The following EPHB1 variants were observed in gnomAD, a reference collection of about 807,000 sequenced individuals.
EPHB1 encodes ephrin type-B receptor 1.
A neutral mutation model predicts 94.4 loss-of-function variants in EPHB1; 30 were observed. The ratio of observed to expected loss-of-function variants is 0.32; its 90% CI spans 0.24 to 0.43. EPHB1 has a LOEUF of 0.43. Among genes scored for constraint, EPHB1 ranks in the 20% least tolerant of loss-of-function variants. The pLI is 1.00. For synonymous variants in EPHB1, 522 were observed against 489.1 expected (o/e 1.07, Z -0.89); for missense variants, 1,055 against 1,308.3 (o/e 0.81, Z 2.99).
intron 3 of EPHB1, among the ~76,000 whole-genome samples, chr3:134,975,109 C>T (rs1444784173): frequency 6.6e-6 from 1 of 152,122 alleles, no homozygotes; most frequent in Non-Finnish European, 1.5e-5. Context: ...ATTGATTTTT[C>T]TGGGAGACTT....
At chr3:134,878,350 G>A (rs1454218120) in intron 1 of EPHB1, among the ~76,000 whole-genome samples, 1 of 152,144 alleles carries the variant, frequency 6.6e-6, no homozygotes, top group Admixed American at 6.5e-5. Flanking sequence ...TGTGGGGCAG[G>A]GATATTTGGC....
chr3:134,994,273 G>A (rs543980714), intron 3 of EPHB1, among the ~76,000 whole-genome samples: 64 of 152,188 alleles, frequency 4.2e-4, no homozygotes, highest in Non-Finnish European at 8.1e-4. Flanking sequence ...TAAATAATAT[G>A]ATAAATATAT....
intron 3 of EPHB1, among the ~76,000 whole-genome samples, chr3:135,031,168 A>G (rs1936451785): frequency 6.6e-6 from 1 of 152,344 alleles, no homozygotes; most frequent in East Asian, 1.9e-4. Context: ...ATGGAAATGC[A>G]GAAATCACCT....
chr3:135,241,931 G>C (rs1400568161), intron 13 of EPHB1, among the ~76,000 whole-genome samples: 1 of 152,180 alleles, frequency 6.6e-6, no homozygotes, highest in Non-Finnish European at 1.5e-5. Flanking sequence ...CTGTCTGTGG[G>C]GAGGTCAACA....
At chr3:135,173,450 C>T (rs933180435) in intron 9 of EPHB1, among the ~76,000 whole-genome samples, 2 of 152,174 alleles carry the variant, frequency 1.3e-5, no homozygotes, top group Non-Finnish European at 2.9e-5. Flanking sequence ...AACCCCCAAA[C>T]ACAAAGTGTC....
At chr3:135,232,743 AAG>A (rs1943562652) in intron 12 of EPHB1, among the ~76,000 whole-genome samples, 1 of 152,232 alleles carries the variant, frequency 6.6e-6, no homozygotes, top group Admixed American at 6.5e-5. Flanking sequence ...TTTATAAAGA[AAG>A]AGGTTTAATT....
intron 11 of EPHB1, among the ~76,000 whole-genome samples, chr3:135,196,036 G>A (rs1436339942): frequency 2.1e-5 from 3 of 143,158 alleles, no homozygotes; most frequent in Non-Finnish European, 4.5e-5. Flanking sequence ...TCTAACTGGT[G>A]TGAGATGGTA....
chr3:135,204,918 C>T (rs1942860055), intron 12 of EPHB1, among the ~76,000 whole-genome samples: 1 of 123,772 alleles, frequency 8.1e-6, no homozygotes, highest in Non-Finnish European at 1.6e-5. Context: ...GGTATTTAAC[C>T]ATACCCCCTA....
At position 134,795,420 on chromosome 3, in the gene EPHB1, C is replaced by T; in HGVS notation, c.-212C>T. 1 of 564,440 alleles carries T rather than the reference C, an allele frequency of 1.8e-6. No homozygotes were observed. The highest frequency in any genetic ancestry group is 2.2e-5 in the South Asian group (1 of 45,936). 35.0% of individuals were successfully genotyped at this position (564,440 alleles called of 1,614,324 possible). A position where few individuals can be genotyped will look rare whatever the true frequency, so the allele number is the denominator to read the frequency against. The stretch of plus-strand genomic sequence containing the variant: ...CCTCTCCCATAAACACACACACACA[C>T]ATGCACACCCACACCCACGCGCGCC... On this transcript the variant is annotated 5_prime_UTR_variant, in exon 1 of 16. Coordinates refer to ENST00000398015, the MANE Select transcript of EPHB1 (RefSeq NM_004441.5).
intron 1 of EPHB1, among the ~76,000 whole-genome samples, chr3:134,905,231 C>G (rs1460422089): frequency 6.6e-6 from 1 of 152,230 alleles, no homozygotes; most frequent in African/African-American, 2.4e-5. Flanking sequence ...CCTTCCTCCA[C>G]TTTCCTCTTT....
intron 3 of EPHB1, among the ~76,000 whole-genome samples, chr3:134,973,425 C>CTTTTTTTTTTTTTTTTTTTTT (rs10664147): frequency 2.2e-5 from 2 of 91,012 alleles, no homozygotes; most frequent in African/African-American, 4.7e-5. Context: ...GTCTTCTAGT[C>CTTTTTTTTTTTTTTTTTTTTT]TTTTTTTTTT....
chr3:134,940,890 G>C (rs2039101855), intron 2 of EPHB1, among the ~76,000 whole-genome samples: 1 of 152,214 alleles, frequency 6.6e-6, no homozygotes, highest in African/African-American at 2.4e-5. Context: ...TGCTGTAGTA[G>C]ATGTTTGACT....
chr3:134,989,456 T>C (rs1307202742), intron 3 of EPHB1, among the ~76,000 whole-genome samples: 4 of 152,080 alleles, frequency 2.6e-5, no homozygotes, highest in South Asian at 4.2e-4. Flanking sequence ...CACATTTCTA[T>C]TGACATTTCA....
At chr3:135,233,441 C>A (rs1441662940) in intron 12 of EPHB1, among the ~76,000 whole-genome samples, 1 of 152,254 alleles carries the variant, frequency 6.6e-6, no homozygotes, top group East Asian at 1.9e-4. Flanking sequence ...GCTCCCACAG[C>A]CTTGGGCAAG....
intron 1 of EPHB1, among the ~76,000 whole-genome samples, chr3:134,867,183 C>T (rs950601735): frequency 1.3e-5 from 2 of 152,166 alleles, no homozygotes; most frequent in Non-Finnish European, 2.9e-5. Context: ...CTTCATGAGC[C>T]TTAGGTATGC....
intron 2 of EPHB1, among the ~76,000 whole-genome samples, chr3:134,939,896 A>T (rs1469290566): frequency 6.6e-6 from 1 of 152,226 alleles, no homozygotes; most frequent in African/African-American, 2.4e-5. Context: ...AGCCTCCCTC[A>T]ACAGCAGTTT....
At chr3:134,984,842 G>A (rs36102) in intron 3 of EPHB1, among the ~76,000 whole-genome samples, 95,866 of 152,006 alleles carry the variant, frequency 0.63, 32,066 homozygotes, top group African/African-American at 0.83. Flanking sequence ...GGCTAGGGGC[G>A]AGCCAGAGAG....
intron 1 of EPHB1, among the ~76,000 whole-genome samples, chr3:134,798,489 A>G (rs959875659): frequency 6.6e-6 from 1 of 151,946 alleles, no homozygotes; most frequent in Non-Finnish European, 1.5e-5. Context: ...TTCCCCCCAC[A>G]CTCCCGCATT....
At chr3:135,258,872 C>T in intron 15 of EPHB1, 140 bp from the exon 16 acceptor site, 2 of 702,762 alleles carry the variant, frequency 2.8e-6, no homozygotes, top group East Asian at 5.6e-5. Flanking sequence ...GGAAGTTTGC[C>T]AAAAATTTGG....
Sources: allele counts gnomAD v4.1 joint callset (sites outside exome capture counted in the v4.1 genomes callset), GRCh38; gene constraint gnomAD v4.1.1; transcripts MANE v1.5; gene names NCBI Gene and HGNC (gene_info 2026-07-23, HGNC 2026-07-21).